The following SLC43A2 variants were observed in gnomAD, a reference collection of about 807,000 sequenced individuals.
SLC43A2 encodes solute carrier family 43 member 2.
In SLC43A2, 38 loss-of-function variants were observed where a neutral mutation model predicts 63.2. The observed-to-expected ratio is 0.60, with a 90% confidence interval of 0.46 to 0.79. SLC43A2 has a LOEUF of 0.79. Among genes scored for constraint, SLC43A2 ranks in the 30% least tolerant of loss-of-function variants. The pLI, the probability that SLC43A2 is intolerant of heterozygous loss-of-function variation, is 0.00. For missense variants in SLC43A2, 644 were observed against 756.2 expected, an observed-to-expected ratio of 0.85 and a Z score of 1.74; for synonymous variants, 322 against 331.0, an observed-to-expected ratio of 0.97 and a Z score of 0.30.
At chr17:1,585,617 G>T (rs1189508719) in intron 10 of SLC43A2, 2 of 1,229,592 alleles carry the variant, frequency 1.6e-6, no homozygotes, top group East Asian at 9.4e-5. Context: ...CCAACTCCTG[G>T]CCTCAAGTGA....
Position 1,575,394 on chromosome 17 carries a change from C to G in SLC43A2, c.*210G>C. Reference sequence around the variant, plus strand: ...GGGCGGCAGAGCAAAGTCAGGGCAGCCCCTGCGTTCGGCAGGAGAAAACGC... The same window carrying G: ...GGGCGGCAGAGCAAAGTCAGGGCAGGCCCTGCGTTCGGCAGGAGAAAACGC... On this transcript the variant is annotated 3_prime_UTR_variant, in exon 14 of 14. Transcript: ENST00000301335. 1 of 642,252 alleles carries G rather than the reference C, an allele frequency of 1.6e-6. No homozygotes were observed. Among genetic ancestry groups the G allele is most frequent in the Non-Finnish European group, 2.6e-6 (1 of 379,380 alleles). 39.8% of individuals were successfully genotyped at this position (642,252 alleles called of 1,614,324 possible).
rs955189733 is a variant in SLC43A2 at position 1,607,116 on chromosome 17, G to A, written c.501+6079C>T. On this transcript the variant is annotated intron_variant, in intron 5 of 13. Transcript: ENST00000301335. ...AGGCCCCGGGACCCAGGAAGTCCCCGAATTAAGGCTTCCACAGCGCCGTCC... is the reference window on the plus strand; with the variant it reads ...AGGCCCCGGGACCCAGGAAGTCCCCAAATTAAGGCTTCCACAGCGCCGTCC... 1.3e-4 allele frequency among the ~76,000 whole-genome samples: 11 copies of A among 84,644 alleles called. No homozygotes were observed. In the East Asian group the frequency reaches 1.6e-3, roughly 12 times the overall value. 55.5% of individuals were successfully genotyped at this position (84,644 alleles called of 152,430 possible). A position where few individuals can be genotyped will look rare whatever the true frequency, so the allele number is the denominator to read the frequency against.
At chr17:1,608,690 G>A (rs1033426138) in intron 5 of SLC43A2, among the ~76,000 whole-genome samples, 10 of 152,092 alleles carry the variant, frequency 6.6e-5, no homozygotes, top group South Asian at 2.1e-4. Context: ...CACCGCACCC[G>A]GCCACCGCAG....
At chr17:1,576,452 C>A in intron 13 of SLC43A2, 145 bp downstream of exon 13, 1 of 851,634 alleles carries the variant, frequency 1.2e-6, no homozygotes, top group South Asian at 2.0e-5. Flanking sequence ...TGCCTAGCCA[C>A]CATTCACAAA....
chr17:1,600,154 T>TATATATATATATATATATTTTA (rs1567630909), intron 5 of SLC43A2, among the ~76,000 whole-genome samples: 1 of 28,990 alleles, frequency 3.4e-5, no homozygotes, highest in Admixed American at 6.5e-4. Context: ...ATATATATAT[T>TATATATATATATATATATTTTA]TTTTTTTTTT....
intron 11 of SLC43A2, among the ~76,000 whole-genome samples, chr17:1,582,917 G>A (rs1269005559): frequency 2.6e-5 from 4 of 151,986 alleles, no homozygotes; most frequent in African/African-American, 9.7e-5. Flanking sequence ...CATCTCTACT[G>A]AAAATACAAA....
In SLC43A2 at chr17:1,587,673, T is replaced by G. The variant is rs185474433; in HGVS notation, c.1079-1622A>C. ...GACCTTGAACAAGCTCCTCCATCAC[T>G]CCAGGCCTCGTTTTTCAGGTGTATA... On this transcript the variant is annotated intron_variant, in intron 9 of 13. Transcript: ENST00000301335. 2.1e-3 allele frequency among the ~76,000 whole-genome samples: 313 copies of G among 151,520 alleles called. 1 individual carries two copies. Among genetic ancestry groups the G allele is most frequent in the African/African-American group, 7.4e-3 (303 of 40,934 alleles).
rs373002672 is a variant in SLC43A2 at position 1,605,016 on chromosome 17, G to A, written c.501+8179C>T. 3.5e-6 allele frequency: 5 copies of A among 1,428,668 alleles called. No homozygotes were observed. The highest frequency in any genetic ancestry group is 4.6e-6 in the Non-Finnish European group (5 of 1,092,934). The allele number at this position is 1,428,668 out of a possible 1,614,324, so 88.5% of individuals were successfully genotyped here. Reference sequence around the variant, plus strand: ...TGGCGGAGGGGAAGGACCCCAGGAGGGGAAGGACCAGCTTTGCTGCCAAGC... The same window carrying A: ...TGGCGGAGGGGAAGGACCCCAGGAGAGGAAGGACCAGCTTTGCTGCCAAGC... On this transcript the variant is annotated intron_variant, in intron 5 of 13. Transcript: ENST00000301335. The surrounding 1 kb of genome is among the most constrained non-coding windows in gnomAD (Gnocchi z 4.9).
chr17:1,598,177 C>T (rs1478314738), intron 5 of SLC43A2, among the ~76,000 whole-genome samples: 2 of 152,232 alleles, frequency 1.3e-5, no homozygotes, highest in Non-Finnish European at 1.5e-5. Context: ...AATCCCAACG[C>T]TTTGGGAGGC....
intron 5 of SLC43A2, 53 bp downstream of exon 5, chr17:1,613,142 C>A (rs189115115): frequency 4.0e-6 from 6 of 1,515,882 alleles, no homozygotes. Flanking sequence ...AAAGCGGCCT[C>A]AAATTTAGAA....
chr17:1,629,495 G>A (rs1282636576), upstream of SLC43A2, among the ~76,000 whole-genome samples: 3 of 152,228 alleles, frequency 2.0e-5, no homozygotes, highest in African/African-American at 7.2e-5. Context: ...TCTCCCCGGT[G>A]GCGTCTGCCC....
chr17:1,614,340 G>A (rs530797180), intron 4 of SLC43A2, among the ~76,000 whole-genome samples: 7 of 152,214 alleles, frequency 4.6e-5, no homozygotes, highest in Admixed American at 2.0e-4. Context: ...GAGCCTGGGA[G>A]GTCCAGGGTG....
Position 1,617,518 on chromosome 17 carries a change from G to T in SLC43A2, c.161-749C>A, listed in dbSNP as rs372542480. Among the ~76,000 whole-genome samples the T allele has an allele frequency of 3.3e-3, 497 of 152,184 alleles. 4 individuals are homozygous for T. Among genetic ancestry groups the T allele is most frequent in the African/African-American group, 0.011 (469 of 41,512 alleles). On this transcript the variant is annotated intron_variant, in intron 2 of 13. Coordinates refer to ENST00000301335, the MANE Select transcript of SLC43A2 (RefSeq NM_152346.3). ...CAATTCTCCTGCCTCAGCCTCCCGAGTAGCTGGGATTACAGGCACCTGCCA... is the reference window on the plus strand; with the variant it reads ...CAATTCTCCTGCCTCAGCCTCCCGATTAGCTGGGATTACAGGCACCTGCCA...
intron 5 of SLC43A2, among the ~76,000 whole-genome samples, chr17:1,594,113 C>CCG (rs1905062025): frequency 6.6e-6 from 1 of 152,168 alleles, no homozygotes. Flanking sequence ...GCGTGAGCCA[C>CCG]CGCGCCCGGC....
At position 1,623,224 on chromosome 17, in the gene SLC43A2, C is replaced by T. The variant is rs61047354; in HGVS notation, c.160+4491G>A. On this transcript the variant is annotated intron_variant, in intron 2 of 13. Transcript: ENST00000301335. The stretch of plus-strand genomic sequence containing the variant: ...CCTGGGCCTGCTTCCCCAAGGTGGG[C>T]GGCAGCCCCTCTGCCCTTGCAGCGA... Among the ~76,000 whole-genome samples the T allele has an allele frequency of 1.3e-4, 20 of 152,336 alleles. 1 individual carries two copies. In the East Asian group the frequency reaches 3.1e-3, roughly 23 times the overall value.
At chr17:1,616,897 GC>G in intron 2 of SLC43A2, 128 bp from the exon 3 acceptor site, 8 of 1,028,786 alleles carry the variant, frequency 7.8e-6, no homozygotes, top group Non-Finnish European at 1.1e-5. Context: ...CCTCTCGAGG[GC>G]TCAGGCTACC....
At chr17:1,599,887 A>G (rs1237449730) in intron 5 of SLC43A2, among the ~76,000 whole-genome samples, 1 of 149,182 alleles carries the variant, frequency 6.7e-6, no homozygotes, top group Admixed American at 6.8e-5. Flanking sequence ...TACTAAAAAT[A>G]CAAAAAATTA....
chr17:1,590,791 G>A lies in SLC43A2; in HGVS notation c.1078+11C>T, dbSNP rs751292597. The A allele has an allele frequency of 1.5e-5, 23 of 1,552,108 alleles. No homozygotes were observed. The highest frequency in any genetic ancestry group is 5.4e-5 in the African/African-American group (4 of 73,412). ...GGAGTGACAGCGACCGAGGCTGCCC[G>A]GGGCACCTACCTGTCTTCTGGTCGC... is the stretch of plus-strand genomic sequence containing the variant. On this transcript the variant is annotated intron_variant, in intron 9 of 13. Transcript: ENST00000301335.
chr17:1,591,424 C>A lies in SLC43A2; in HGVS notation c.776G>T (p.Gly259Val). 1 of 1,613,326 alleles carries A rather than the reference C, an allele frequency of 6.2e-7. No individual in the cohort carries two copies. Among genetic ancestry groups the A allele is most frequent in the African/African-American group, 1.3e-5 (1 of 75,028 alleles). Residue 259 changes from glycine to valine, a missense_variant, in exon 8 of 14, where the codon GGG (glycine) becomes GTG (valine). This residue lies in a region of SLC43A2 where 528 missense variants were observed against 623.6 expected (regional missense o/e 0.85). Coordinates refer to ENST00000301335, the MANE Select transcript of SLC43A2 (RefSeq NM_152346.3). ...SWLGFDHKIT[G>V]KQFYKQVTTV... The stretch of plus-strand genomic sequence containing the variant: ...GGTCACCTGCTTGTAGAACTGCTTC[C>A]CTGTGATCTTGTGGTCAAAGCCCAG...
Sources: allele counts gnomAD v4.1 joint callset (sites outside exome capture counted in the v4.1 genomes callset), GRCh38; gene constraint gnomAD v4.1.1; regional missense constraint gnomAD v4.1.1; non-coding constraint Gnocchi (gnomAD v3.1); transcripts MANE v1.5; gene names NCBI Gene and HGNC (gene_info 2026-07-23, HGNC 2026-07-21).